AFG2A: variants seen among roughly 807,000 people sequenced by gnomAD.
AFG2A encodes the protein AAA ATPase AFG2A.
At chr4:123,256,465 A>G in the AFG2A span, among the ~76,000 whole-genome samples, 1 of 152,210 alleles carries the variant, frequency 6.6e-6, no homozygotes, top group South Asian at 2.1e-4. Context: ...AGATTCTTCC[A>G]CTGGGCTTCT....
the AFG2A span, among the ~76,000 whole-genome samples, chr4:122,940,951 T>C: frequency 2.5e-4 from 38 of 151,802 alleles, no homozygotes; most frequent in East Asian, 2.9e-3. Context: ...TGTAGATATG[T>C]GGCATTATTT....
At chr4:122,979,264 C>T in the AFG2A span, 6 of 1,614,126 alleles carry the variant, frequency 3.7e-6, no homozygotes, top group Admixed American at 6.7e-5. Flanking sequence ...CCTGAAAAAA[C>T]AGCCTAACCT....
At chr4:122,982,864 CTTTTT>C in the AFG2A span, among the ~76,000 whole-genome samples, 1 of 93,766 alleles carries the variant, frequency 1.1e-5, no homozygotes, top group African/African-American at 4.4e-5. Flanking sequence ...TAATCTTCTT[CTTTTT>C]TTTTTTTTTT....
chr4:123,116,258 A>G, the AFG2A span, among the ~76,000 whole-genome samples: 1 of 152,250 alleles, frequency 6.6e-6, no homozygotes, highest in Non-Finnish European at 1.5e-5. Context: ...ATGGAATCAT[A>G]TAAACAAAAA....
the AFG2A span, among the ~76,000 whole-genome samples, chr4:123,004,298 A>G: frequency 8.5e-5 from 13 of 152,312 alleles, no homozygotes; most frequent in East Asian, 2.5e-3. Context: ...CGGCCGGCAC[A>G]CGGTGCACTG....
At chr4:123,282,644 T>C in the AFG2A span, among the ~76,000 whole-genome samples, 3 of 151,886 alleles carry the variant, frequency 2.0e-5, no homozygotes, top group African/African-American at 7.2e-5. Flanking sequence ...ATCAGCAAGG[T>C]CACACAGCCA....
At chr4:123,311,562 G>A in the AFG2A span, among the ~76,000 whole-genome samples, 1 of 146,688 alleles carries the variant, frequency 6.8e-6, no homozygotes, top group Non-Finnish European at 1.5e-5. Context: ...AGGAGGCGGA[G>A]GTTGCAGGGA....
chr4:123,014,053 G>A, the AFG2A span, among the ~76,000 whole-genome samples: 25 of 152,298 alleles, frequency 1.6e-4, no homozygotes, highest in South Asian at 5.2e-3. Context: ...TAAGAAGCTT[G>A]TTAAACATAT....
chr4:123,006,807 A>G, the AFG2A span, among the ~76,000 whole-genome samples: 255 of 151,810 alleles, frequency 1.7e-3, 5 homozygotes, highest in East Asian at 0.033. Flanking sequence ...TACTAATCCT[A>G]TCATCTGTGT....
the AFG2A span, among the ~76,000 whole-genome samples, chr4:123,027,912 A>G: frequency 6.6e-6 from 1 of 152,030 alleles, no homozygotes; most frequent in Non-Finnish European, 1.5e-5. Flanking sequence ...AGAAGGTTAG[A>G]TTTTACGATA....
chr4:123,033,365 A>T, the AFG2A span, among the ~76,000 whole-genome samples: 1 of 152,206 alleles, frequency 6.6e-6, no homozygotes, highest in Non-Finnish European at 1.5e-5. Context: ...TTAAAAAAAT[A>T]GAACTAGTGT....
At chr4:123,273,210 A>G in the AFG2A span, among the ~76,000 whole-genome samples, 5 of 152,176 alleles carry the variant, frequency 3.3e-5, no homozygotes, top group Admixed American at 6.6e-5. Flanking sequence ...TACTGAATGC[A>G]TATATAATGA....
At chr4:123,296,677 T>A in the AFG2A span, among the ~76,000 whole-genome samples, 1 of 152,218 alleles carries the variant, frequency 6.6e-6, no homozygotes, top group Non-Finnish European at 1.5e-5. Context: ...TTGGTCATTG[T>A]TAAAGCTGGG....
chr4:122,941,915 G>A, the AFG2A span, among the ~76,000 whole-genome samples: 4 of 150,652 alleles, frequency 2.7e-5, no homozygotes, highest in Non-Finnish European at 4.5e-5. Context: ...CTTTGGTTCT[G>A]TTTATATGCT....
the AFG2A span, among the ~76,000 whole-genome samples, chr4:123,152,828 T>A: frequency 1.3e-5 from 2 of 152,248 alleles, no homozygotes; most frequent in Non-Finnish European, 2.9e-5. Context: ...TTATTCATAA[T>A]TGCCAAAAGT....
chr4:123,313,219 C>A, the AFG2A span, among the ~76,000 whole-genome samples: 1 of 152,148 alleles, frequency 6.6e-6, no homozygotes, highest in Non-Finnish European at 1.5e-5. Context: ...ATCCATTCCG[C>A]CCCCTCCCCA....
At chr4:122,987,768 C>T in the AFG2A span, among the ~76,000 whole-genome samples, 2 of 152,066 alleles carry the variant, frequency 1.3e-5, no homozygotes, top group African/African-American at 4.8e-5. Context: ...TGTTGTGTAT[C>T]CCCTAACAAA....
chr4:123,087,088 A>G, the AFG2A span, among the ~76,000 whole-genome samples: 1 of 152,118 alleles, frequency 6.6e-6, no homozygotes, highest in African/African-American at 2.4e-5. Flanking sequence ...AATTTCTTCA[A>G]ACTGTGTTAT....
the AFG2A span, among the ~76,000 whole-genome samples, chr4:123,115,587 C>T: frequency 1.3e-5 from 2 of 152,140 alleles, no homozygotes; most frequent in African/African-American, 2.4e-5. Context: ...TGCTCTTCCC[C>T]CGCCTGCAGG....
Sources: allele counts gnomAD v4.1 joint callset (sites outside exome capture counted in the v4.1 genomes callset), GRCh38; gene constraint gnomAD v4.1.1; transcripts MANE v1.5; gene names NCBI Gene and HGNC (gene_info 2026-07-23, HGNC 2026-07-21).